PAK4: variants seen among roughly 807,000 people sequenced by gnomAD.
PAK4 encodes the protein serine/threonine-protein kinase PAK 4.
PAK4 carries 49 observed loss-of-function variants against 53.5 expected under a neutral mutation model. The observed-to-expected ratio is 0.92, with a 90% CI of 0.73 to 1.16. The LOEUF (loss-of-function observed/expected upper bound fraction) is 1.16, where lower values mean the gene tolerates loss of function less well. PAK4 is among the 50% of genes most tolerant of loss of function. The pLI is 0.00. For synonymous variants in PAK4, 376 were observed against 375.6 expected (o/e 1.00, Z -0.01); for missense variants, 824 against 850.7 (o/e 0.97, Z 0.39).
At chr19:39,167,073 C>G (rs1019018106) in intron 1 of PAK4, among the ~76,000 whole-genome samples, 1 of 152,226 alleles carries the variant, frequency 6.6e-6, no homozygotes, top group Non-Finnish European at 1.5e-5. Context: ...GCTGGGCCAG[C>G]CGCCCGCCCT....
Position 39,173,394 on chromosome 19 carries a change from C to G in PAK4, c.663+18C>G, listed in dbSNP as rs929499675. On this transcript the variant is annotated intron_variant, in intron 3 of 8. Coordinates refer to ENST00000358301, the Ensembl canonical transcript of PAK4. The surrounding 1 kb of genome is among the most constrained non-coding windows in gnomAD (Gnocchi z 6.9). Reference sequence around the variant, plus strand: ...GTGCCCAGGTAACCCATCCCCCGCCCCAGGGCCCCCACTGTCCCCTGCCCG... The same window carrying G: ...GTGCCCAGGTAACCCATCCCCCGCCGCAGGGCCCCCACTGTCCCCTGCCCG... 1 of 1,499,250 alleles carries G rather than the reference C, an allele frequency of 6.7e-7. No individual in the cohort carries two copies. The highest frequency in any genetic ancestry group is 8.9e-7 in the Non-Finnish European group (1 of 1,120,584). The allele number at this position is 1,499,250 out of a possible 1,614,324, so 92.9% of individuals were successfully genotyped here.
intron 1 of PAK4, among the ~76,000 whole-genome samples, chr19:39,144,299 T>C (rs531840038): frequency 4.3e-4 from 66 of 152,282 alleles, no homozygotes; most frequent in African/African-American, 1.4e-3. Flanking sequence ...CTCTCTGAGC[T>C]TCACTCTCCT....
intron 1 of PAK4, among the ~76,000 whole-genome samples, chr19:39,158,625 C>T (rs183288823): frequency 1.4e-3 from 209 of 152,284 alleles, no homozygotes; most frequent in Non-Finnish European, 2.3e-3. Flanking sequence ...GGGCCAGATT[C>T]GGGGCAGGAG....
At chr19:39,172,029 G>C (rs1471566287) in intron 2 of PAK4, among the ~76,000 whole-genome samples, 2 of 152,222 alleles carry the variant, frequency 1.3e-5, no homozygotes, top group Admixed American at 6.5e-5. Flanking sequence ...AGGTGCTCTA[G>C]GTAGAATGCA....
At chr19:39,163,085 C>G (rs1374370609) in intron 1 of PAK4, among the ~76,000 whole-genome samples, 1 of 152,090 alleles carries the variant, frequency 6.6e-6, no homozygotes, top group East Asian at 1.9e-4. Flanking sequence ...AAGCCAAACT[C>G]CCAGCGCCTC....
rs931187598 is a variant in PAK4 at position 39,147,028 on chromosome 19, A to G, written c.-23+21109A>G. Among the ~76,000 whole-genome samples, 6 of 152,142 alleles carry G rather than the reference A, an allele frequency of 3.9e-5. 1 individual carries two copies. The South Asian group carries it at 1.3e-3, about 32-fold the overall frequency. On this transcript the variant is annotated intron_variant, in intron 1 of 8. Transcript: ENST00000358301. Reference sequence around the variant, plus strand: ...CACCTGCGAGACTGTAGTACCAGATACCAGAGTGTCAACTGACATTGACAC... The same window carrying G: ...CACCTGCGAGACTGTAGTACCAGATGCCAGAGTGTCAACTGACATTGACAC...
chr19:39,147,841 GTTT>G (rs35845376), intron 1 of PAK4, among the ~76,000 whole-genome samples: 2 of 13,234 alleles, frequency 1.5e-4, no homozygotes, highest in East Asian at 2.4e-3. Flanking sequence ...TTGTTTTCGG[GTTT>G]TTTTTTTTTT....
At chr19:39,169,440 G>T (rs2074434207) in intron 1 of PAK4, 92 bp from the exon 3 acceptor site, 1 of 917,160 alleles carries the variant, frequency 1.1e-6, no homozygotes, top group East Asian at 2.5e-5. Flanking sequence ...GTTGGTCCCG[G>T]TGTAAGATGA....
chr19:39,154,261 C>T (rs1324260601), intron 1 of PAK4, among the ~76,000 whole-genome samples: 12 of 152,150 alleles, frequency 7.9e-5, no homozygotes, highest in African/African-American at 2.4e-4. Flanking sequence ...CACTTCCACT[C>T]GATGCTGCTA....
intron 1 of PAK4, among the ~76,000 whole-genome samples, chr19:39,131,321 G>A (rs1000675774): frequency 3.3e-5 from 5 of 152,098 alleles, no homozygotes; most frequent in South Asian, 2.1e-4. Context: ...GTTTCTGGGC[G>A]CTGGGTCCCT....
intron 1 of PAK4, among the ~76,000 whole-genome samples, chr19:39,126,218 G>C (rs2073574430): frequency 6.6e-6 from 1 of 152,098 alleles, no homozygotes; most frequent in Non-Finnish European, 1.5e-5. Context: ...ATAATTTGAG[G>C]GAAGGCTGCC....
chr19:39,142,486 A>G (rs2073926323), intron 1 of PAK4, among the ~76,000 whole-genome samples: 1 of 152,184 alleles, frequency 6.6e-6, no homozygotes, highest in Non-Finnish European at 1.5e-5. Context: ...AGTCACTCCT[A>G]GTAAGGCTGG....
chr19:39,174,188 C>G (rs1001826693), intron 4 of PAK4, among the ~76,000 whole-genome samples, 178 bp downstream of exon 5: 5 of 151,632 alleles, frequency 3.3e-5, no homozygotes. Flanking sequence ...TGCCTCTGTC[C>G]TCACAGCACC....
downstream of PAK4, chr19:39,181,888 A>G (rs973066310): frequency 2.6e-5 from 4 of 151,070 alleles, no homozygotes; most frequent in Admixed American, 6.6e-5. Flanking sequence ...AAAATAAACA[A>G]TGCAACCAGG....
chr19:39,138,090 T>C (rs2073850259), intron 1 of PAK4, among the ~76,000 whole-genome samples: 1 of 152,086 alleles, frequency 6.6e-6, no homozygotes, highest in Admixed American at 6.6e-5. Flanking sequence ...CAAGCAATTC[T>C]CTTTCCTCAG....
rs758450773 is a variant in PAK4, at chr19:39,178,441, G to T, written c.1638G>T (p.Lys546Asn). The stretch of plus-strand genomic sequence containing the variant: ...CTCGACAGGTGTCGCCATCCCTGAA[G>T]GGCTTCCTGGACCGCCTGCTGGTGC... Residue 546 changes from lysine (K) to asparagine (N), a missense_variant, in exon 9 of 9, where the codon AAG (lysine) becomes AAT (asparagine). This residue lies in a region of PAK4 where 346 missense variants were observed against 415.0 expected (regional missense o/e 0.83). Coordinates refer to ENST00000358301, the Ensembl canonical transcript of PAK4. This position sits in a 1 kb window ranked among gnomAD's most constrained non-coding sequence, Gnocchi z 4.4. The T allele has an allele frequency of 6.3e-7, 1 of 1,592,278 alleles. No individual in the cohort carries two copies. Among genetic ancestry groups the T allele is most frequent in the Non-Finnish European group, 8.5e-7 (1 of 1,170,398 alleles).
intron 1 of PAK4, among the ~76,000 whole-genome samples, chr19:39,158,234 T>TGTGG: frequency 6.6e-6 from 1 of 152,086 alleles, no homozygotes. Flanking sequence ...TGTGTGCATG[T>TGTGG]GTGTGCGCGC....
intron 1 of PAK4, among the ~76,000 whole-genome samples, chr19:39,143,388 C>T (rs567570082): frequency 5.4e-5 from 8 of 148,918 alleles, no homozygotes; most frequent in South Asian, 2.1e-4. Flanking sequence ...GTCAGGAGTT[C>T]GAGACGAGCC....
intron 1 of PAK4, among the ~76,000 whole-genome samples, chr19:39,143,978 G>A (rs1312387906): frequency 2.0e-5 from 3 of 151,856 alleles, no homozygotes; most frequent in Non-Finnish European, 2.9e-5. Context: ...GAGCCCAGGA[G>A]TTGGAGGCTG....
Sources: allele counts gnomAD v4.1 joint callset (sites outside exome capture counted in the v4.1 genomes callset), GRCh38; gene constraint gnomAD v4.1.1; regional missense constraint gnomAD v4.1.1; non-coding constraint Gnocchi (gnomAD v3.1); transcripts MANE v1.5; gene names NCBI Gene and HGNC (gene_info 2026-07-23, HGNC 2026-07-21).